The following MMD variants were observed in gnomAD, a reference collection of about 807,000 sequenced individuals.
The protein encoded by MMD is monocyte to macrophage differentiation associated.
In MMD, 22 loss-of-function variants were observed where a neutral mutation model predicts 33.6. The ratio of observed to expected loss-of-function variants is 0.66; its 90% confidence interval spans 0.47 to 0.94. MMD has a LOEUF of 0.94. Ranked by LOEUF, MMD falls within the 40% of genes least tolerant of loss-of-function variation. The probability of loss-of-function intolerance (pLI) is 0.00; values close to 1 mark genes in which losing one functional copy is unlikely to be tolerated. For synonymous variants in MMD, 97 were observed against 103.2 expected, an observed-to-expected ratio of 0.94 and a Z score of 0.36; for missense variants, 242 against 309.8, an observed-to-expected ratio of 0.78 and a Z score of 1.64.
chr17:55,408,910 A>G (rs544798408), intron 3 of MMD, among the ~76,000 whole-genome samples: 1 of 152,308 alleles, frequency 6.6e-6, no homozygotes, highest in East Asian at 1.9e-4. Flanking sequence ...CTGAAGCACA[A>G]GAATCACTTG....
At chr17:55,418,631 A>G (rs999760011) in intron 1 of MMD, among the ~76,000 whole-genome samples, 4 of 152,228 alleles carry the variant, frequency 2.6e-5, no homozygotes, top group African/African-American at 9.6e-5. Context: ...ATGACTGAGC[A>G]TATTTGTTCA....
Position 55,414,260 on chromosome 17 carries a change from GA to G in MMD, c.27-29del, listed in dbSNP as rs571983695. 157 of 1,606,214 alleles carry G rather than the reference GA, an allele frequency of 9.8e-5. 1 individual carries two copies. In the African/African-American group the frequency reaches 1.8e-3, roughly 18 times the overall value. On this transcript the variant is annotated intron_variant, in intron 1 of 6. Transcript: ENST00000262065. ...GTAAAAACAAAAAGAACACATGTAAGAAAAACTCAAAGTGTGTGAAGAACAA... is the reference window on the plus strand; with the variant it reads ...GTAAAAACAAAAAGAACACATGTAAGAAAACTCAAAGTGTGTGAAGAACAA...
At chr17:55,413,791 C>A (rs1404212043) in intron 2 of MMD, among the ~76,000 whole-genome samples, 1 of 152,114 alleles carries the variant, frequency 6.6e-6, no homozygotes, top group Non-Finnish European at 1.5e-5. Context: ...ACTCTCTTTG[C>A]CAAATGAACA....
At chr17:55,413,880 A>G (rs17819073) in intron 2 of MMD, among the ~76,000 whole-genome samples, 5,227 of 152,338 alleles carry the variant, frequency 0.034, 139 homozygotes, top group Non-Finnish European at 0.056. Flanking sequence ...TGGTTTTTCT[A>G]TAACTAGGGT....
chr17:55,397,331 T>G (rs1471501483), intron 6 of MMD, among the ~76,000 whole-genome samples: 1 of 151,732 alleles, frequency 6.6e-6, no homozygotes, highest in East Asian at 2.0e-4. Context: ...CCAGCTAATT[T>G]TTGTATTTTT....
intron 3 of MMD, 102 bp downstream of exon 3, chr17:55,411,155 T>C (rs1907745133): frequency 7.6e-7 from 1 of 1,312,372 alleles, no homozygotes; most frequent in African/African-American, 1.5e-5. Context: ...GAAAAATGTC[T>C]ACTCTTTGCC....
intron 3 of MMD, among the ~76,000 whole-genome samples, chr17:55,410,933 T>C (rs1357299949): frequency 6.6e-6 from 1 of 152,212 alleles, no homozygotes; most frequent in Non-Finnish European, 1.5e-5. Context: ...CCATAGCTGC[T>C]GCTCTCATCA....
chr17:55,406,685 A>G (rs1266254093), intron 4 of MMD, among the ~76,000 whole-genome samples: 1 of 151,948 alleles, frequency 6.6e-6, no homozygotes, highest in Non-Finnish European at 1.5e-5. Context: ...TTCGATACCA[A>G]CCTGGTATCG....
chr17:55,413,570 T>A (rs1228300595), intron 2 of MMD, among the ~76,000 whole-genome samples: 1 of 152,170 alleles, frequency 6.6e-6, no homozygotes, highest in African/African-American at 2.4e-5. Context: ...TCAGTATTTT[T>A]AAAGTTTCTT....
At chr17:55,420,739 C>G (rs1162858711) in intron 1 of MMD, among the ~76,000 whole-genome samples, 3 of 152,198 alleles carry the variant, frequency 2.0e-5, no homozygotes, top group Non-Finnish European at 4.4e-5. Context: ...GGAATTCACA[C>G]AAAGGGATGC....
At chr17:55,403,155 A>G (rs148114826) in intron 5 of MMD, among the ~76,000 whole-genome samples, 2 of 152,332 alleles carry the variant, frequency 1.3e-5, no homozygotes, top group Non-Finnish European at 2.9e-5. Context: ...CTTTTTAATC[A>G]TGAAGTTGGA....
chr17:55,420,213 G>A (rs1023755465), intron 1 of MMD: 4 of 152,226 alleles, frequency 2.6e-5, no homozygotes, highest in African/African-American at 9.6e-5. Flanking sequence ...GAGCACAGAC[G>A]TGTAGAGAAG....
In MMD at chr17:55,394,331, T is replaced by G. The variant is rs1484409424; in HGVS notation, c.*3A>C. On this transcript the variant is annotated 3_prime_UTR_variant, in exon 7 of 7. Coordinates refer to ENST00000262065, the MANE Select transcript of MMD (RefSeq NM_012329.3). ...ACTGGTTTGGAGAATTAGTACAGAT[T>G]GGTCATAAATGCCGCATAAAGTCCG... 1.1e-5 allele frequency: 15 copies of G among 1,365,356 alleles called. No homozygotes were observed. The highest frequency in any genetic ancestry group is 1.4e-5 in the Non-Finnish European group (15 of 1,051,756). 84.6% of individuals were successfully genotyped at this position (1,365,356 alleles called of 1,614,324 possible).
chr17:55,397,897 T>C (rs1436632466), intron 6 of MMD, among the ~76,000 whole-genome samples: 1 of 152,132 alleles, frequency 6.6e-6, no homozygotes, highest in Non-Finnish European at 1.5e-5. Flanking sequence ...TGAATTCTGA[T>C]AAAATGTCAG....
At chr17:55,410,303 A>C (rs11079173) in intron 3 of MMD, among the ~76,000 whole-genome samples, 58,785 of 152,138 alleles carry the variant, frequency 0.39, 12,111 homozygotes, top group Non-Finnish European at 0.47. Flanking sequence ...AGGAGCATAT[A>C]TTTTAAATAT....
At chr17:55,408,630 G>A (rs1443713769) in intron 3 of MMD, among the ~76,000 whole-genome samples, 2 of 152,148 alleles carry the variant, frequency 1.3e-5, no homozygotes, top group Admixed American at 1.3e-4. Flanking sequence ...GGGAACGCTA[G>A]TATTAGACTT....
chr17:55,419,094 G>A (rs2143165587), intron 1 of MMD, among the ~76,000 whole-genome samples: 1 of 152,334 alleles, frequency 6.6e-6, no homozygotes, highest in Middle Eastern at 3.4e-3. Context: ...CTTCCTAGCT[G>A]TGTGACTATG....
In MMD at chr17:55,421,753, G is replaced by A. The variant is rs1908201589; in HGVS notation, c.-58C>T. Reference sequence around the variant, plus strand: ...TCCGTCTCGTCAGCACCGGCGGCCGGGCGCGCGGCCCTCATGGGCTTGGGC... The same window carrying A: ...TCCGTCTCGTCAGCACCGGCGGCCGAGCGCGCGGCCCTCATGGGCTTGGGC... On this transcript the variant is annotated 5_prime_UTR_variant, in exon 1 of 7. Transcript: ENST00000262065. The A allele has an allele frequency of 1.4e-5, 22 of 1,555,218 alleles. No individual in the cohort carries two copies. Among genetic ancestry groups the A allele is most frequent in the Non-Finnish European group, 1.8e-5 (21 of 1,154,926 alleles).
rs117159950 is a variant in MMD, at chr17:55,416,043, A to G, written c.27-1811T>C. On this transcript the variant is annotated intron_variant, in intron 1 of 6. Coordinates refer to ENST00000262065, the MANE Select transcript of MMD (RefSeq NM_012329.3). Reference sequence around the variant, plus strand: ...AAGAATGCTTTAAAAGTGTCCCAAGAATTGGAGGATATACCACATCATTGT... The same window carrying G: ...AAGAATGCTTTAAAAGTGTCCCAAGGATTGGAGGATATACCACATCATTGT... Among the ~76,000 whole-genome samples, 350 of 152,346 alleles carry G rather than the reference A, an allele frequency of 2.3e-3. 1 individual carries two copies. The highest frequency in any genetic ancestry group is 4.2e-3 in the Non-Finnish European group (285 of 68,024).
Sources: gnomAD v4.1 joint callset for allele counts (sites outside exome capture counted in the v4.1 genomes callset) on GRCh38, gnomAD v4.1.1 for gene constraint, MANE v1.5 for transcripts, NCBI Gene and HGNC (gene_info 2026-07-23, HGNC 2026-07-21) for gene names.